Variants in KIF21A observed in about 807,000 individuals in gnomAD.
The protein encoded by KIF21A is kinesin-like protein KIF21A.
A neutral mutation model predicts 202.9 loss-of-function variants in KIF21A; 114 were observed. That is an observed-to-expected ratio of 0.56 (90% confidence interval 0.48 to 0.66). The LOEUF is 0.66. KIF21A is among the 30% of genes least tolerant of loss of function. The probability of loss-of-function intolerance (pLI) is 0.00; values close to 1 mark genes in which losing one functional copy is unlikely to be tolerated. For missense variants in KIF21A, 1,677 were observed against 1,994.9 expected, an observed-to-expected ratio of 0.84 and a Z score of 3.04; for synonymous variants, 667 against 670.8, an observed-to-expected ratio of 0.99 and a Z score of 0.09.
chr12:39,372,765 T>G (rs571746434), intron 1 of KIF21A, among the ~76,000 whole-genome samples: 1 of 152,264 alleles, frequency 6.6e-6, no homozygotes. Flanking sequence ...AATAATTTTT[T>G]GTTTCCAAAC....
At chr12:39,358,141 T>G (rs1297207228) in intron 8 of KIF21A, 37 bp downstream of exon 8, 1 of 1,565,596 alleles carries the variant, frequency 6.4e-7, no homozygotes, top group East Asian at 2.2e-5. Context: ...CAGCCTTAGA[T>G]GTATCACAAA....
At chr12:39,373,618 A>T (rs1201133812) in intron 1 of KIF21A, among the ~76,000 whole-genome samples, 2 of 152,196 alleles carry the variant, frequency 1.3e-5, no homozygotes, top group Admixed American at 6.6e-5. Flanking sequence ...ACTTAATATC[A>T]GTGTGCCATT....
At chr12:39,383,713 C>T (rs78416833) in intron 1 of KIF21A, among the ~76,000 whole-genome samples, 14,903 of 152,148 alleles carry the variant, frequency 0.098, 751 homozygotes, top group East Asian at 0.14. Context: ...GTGAGAGGAT[C>T]GCTTGAGCTC....
intron 1 of KIF21A, among the ~76,000 whole-genome samples, chr12:39,371,503 A>C (rs1949954061): frequency 6.6e-6 from 1 of 152,184 alleles, no homozygotes; most frequent in African/African-American, 2.4e-5. Flanking sequence ...ATCTAGTCCT[A>C]TTCTATAGGC....
chr12:39,310,114 CTGA>C (rs1316006331), intron 32 of KIF21A, among the ~76,000 whole-genome samples: 1 of 152,078 alleles, frequency 6.6e-6, no homozygotes, highest in Non-Finnish European at 1.5e-5. Context: ...ACATTCTTCT[CTGA>C]TCATATTCCT....
chr12:39,330,946 G>A (rs748641792), intron 22 of KIF21A, 35 bp from the exon 23 acceptor site: 58 of 1,603,830 alleles, frequency 3.6e-5, no homozygotes, highest in African/African-American at 6.7e-5. Flanking sequence ...TAGGTCATAC[G>A]AAACAGGATC....
Position 39,443,045 on chromosome 12 carries a change from C to T in KIF21A, c.-75G>A. 2.1e-6 allele frequency: 3 copies of T among 1,458,190 alleles called. No homozygotes were observed. The highest frequency in any genetic ancestry group is 2.7e-6 in the Non-Finnish European group (3 of 1,102,640). 90.3% of individuals were successfully genotyped at this position (1,458,190 alleles called of 1,614,324 possible). A position where few individuals can be genotyped will look rare whatever the true frequency, so the allele number is the denominator to read the frequency against. On this transcript the variant is annotated 5_prime_UTR_variant, in exon 1 of 38. Coordinates refer to ENST00000361418, the MANE Select transcript of KIF21A (RefSeq NM_001173464.2). ...GAGGCGCCACTGGGGCCGCGGGACT[C>T]GGGCGCAGTAGGCTGGGGCGTCTGC...
rs7969522 is a variant in KIF21A, at chr12:39,388,208, A to C, written c.45-17947T>G. Among the ~76,000 whole-genome samples, 717 of 152,216 alleles carry C rather than the reference A, an allele frequency of 4.7e-3. 4 individuals carry two copies. The highest frequency in any genetic ancestry group is 0.017 in the African/African-American group (689 of 41,532). ...GCGGGGACCGGAGGCAGTGTGAGTG[A>C]GTTCTCTATTTGTTTCTGTAAGAAC... On this transcript the variant is annotated intron_variant, in intron 1 of 37. Coordinates refer to ENST00000361418, the MANE Select transcript of KIF21A (RefSeq NM_001173464.2).
intron 37 of KIF21A, among the ~76,000 whole-genome samples, chr12:39,301,273 G>A (rs955559906): frequency 6.6e-6 from 1 of 152,106 alleles, no homozygotes; most frequent in African/African-American, 2.4e-5. Context: ...TGCTATACAG[G>A]AGTAACAGTA....
rs564459241 is a variant in KIF21A, at chr12:39,416,789, G to GTA, written c.44+26136_44+26137dup. On this transcript the variant is annotated intron_variant, in intron 1 of 37. Coordinates refer to ENST00000361418, the MANE Select transcript of KIF21A (RefSeq NM_001173464.2). ...TATATATATATGTACATATATATGT[G>GTA]TATATATATGTACATATATATGTGT... 1.1e-3 allele frequency among the ~76,000 whole-genome samples: 114 copies of GTA among 104,568 alleles called. 9 individuals are homozygous for GTA. Among genetic ancestry groups the GTA allele is most frequent in the African/African-American group, 3.2e-3 (79 of 24,524 alleles). 68.6% of individuals were successfully genotyped at this position (104,568 alleles called of 152,430 possible). A position where few individuals can be genotyped will look rare whatever the true frequency, so the allele number is the denominator to read the frequency against.
intron 1 of KIF21A, among the ~76,000 whole-genome samples, chr12:39,411,206 TATGTGGGTAAACACTATTCTTTAATAAGA>T (rs1953054950): frequency 2.6e-5 from 4 of 152,238 alleles, no homozygotes; most frequent in African/African-American, 9.6e-5. Context: ...TTTAATATTT[TATGTGGGTAAACACTATTCTTTAATAAGA>T]ATGCCAACTG....
In KIF21A at chr12:39,307,687, A is replaced by T. The variant is rs185075080; in HGVS notation, c.4320T>A (p.Ser1440Arg). The change falls in exon 34 of 38, where the codon AGT (serine) becomes AGA (arginine). Residue 1440 changes from serine (S) to arginine (R), a missense_variant. By Grantham distance (110) the Ser-to-Arg change is moderately radical. Coordinates refer to ENST00000361418, the MANE Select transcript of KIF21A (RefSeq NM_001173464.2). ...QVTLGDACSA[S>R]TSRTVAIPSG... The stretch of plus-strand genomic sequence containing the variant: ...AAGGAATAGCTACTGTTCGACTGGT[A>T]CTTGCAGAACAAGCATCTCCAAGAG... 162 of 1,614,116 alleles carry T rather than the reference A, an allele frequency of 1.0e-4. No individual in the cohort carries two copies. In the Admixed American group the frequency reaches 2.7e-3, roughly 27 times the overall value.
chr12:39,409,183 A>T (rs1952865318), intron 1 of KIF21A, among the ~76,000 whole-genome samples: 1 of 151,756 alleles, frequency 6.6e-6, no homozygotes. Flanking sequence ...TCCAAAACTA[A>T]CGAAAGACAA....
chr12:39,406,124 A>C (rs1009661843), intron 1 of KIF21A, among the ~76,000 whole-genome samples: 2 of 152,144 alleles, frequency 1.3e-5, no homozygotes, highest in Non-Finnish European at 2.9e-5. Context: ...AAACAAAAAA[A>C]ATTATTCTAT....
intron 1 of KIF21A, among the ~76,000 whole-genome samples, chr12:39,419,088 T>C (rs987404659): frequency 6.6e-6 from 1 of 152,166 alleles, no homozygotes; most frequent in South Asian, 2.1e-4. Flanking sequence ...AATGAATAAA[T>C]GTTGAAGAAA....
intron 1 of KIF21A, among the ~76,000 whole-genome samples, chr12:39,379,969 GT>G (rs1047807785): frequency 6.6e-6 from 1 of 152,058 alleles, no homozygotes; most frequent in African/African-American, 2.4e-5. Context: ...AACACTTTTT[GT>G]TTTTTTGTTT....
Position 39,357,332 on chromosome 12 carries a change from C to A in KIF21A, c.1321G>T (p.Ala441Ser). Residue 441 changes from alanine to serine, a missense_variant, in exon 9 of 38, where the codon GCC becomes TCC. By Grantham distance (99) the Ala-to-Ser change is moderately conservative (BLOSUM62 1). Coordinates refer to ENST00000361418, the MANE Select transcript of KIF21A (RefSeq NM_001173464.2). ...ENNNLRVRIK[A>S]MQETVDALRS... ...AATGCATCAACCGTCTCTTGCATGG[C>A]TTTAATTCTTACACGCAGGTTATTA... is the stretch of plus-strand genomic sequence containing the variant. 2 of 1,614,110 alleles carry A rather than the reference C, an allele frequency of 1.2e-6. No homozygotes were observed. The highest frequency in any genetic ancestry group is 1.7e-6 in the Non-Finnish European group (2 of 1,179,956).
chr12:39,410,100 G>T (rs1188622367), intron 1 of KIF21A, among the ~76,000 whole-genome samples: 2 of 152,118 alleles, frequency 1.3e-5, no homozygotes, highest in Non-Finnish European at 2.9e-5. Flanking sequence ...CAAAGTGCTG[G>T]GATTACAGGC....
At chr12:39,331,038 C>G in intron 22 of KIF21A, 127 bp from the exon 23 acceptor site, 1 of 882,398 alleles carries the variant, frequency 1.1e-6, no homozygotes, top group Non-Finnish European at 1.8e-6. Flanking sequence ...GTCATCCCAG[C>G]TCCTCCAGTA....
Sources: gnomAD v4.1 joint callset for allele counts (sites outside exome capture counted in the v4.1 genomes callset) on GRCh38, gnomAD v4.1.1 for gene constraint, MANE v1.5 for transcripts, NCBI Gene and HGNC (gene_info 2026-07-23, HGNC 2026-07-21) for gene names.